The following LRIG2 variants were observed in gnomAD, a reference collection of about 807,000 sequenced individuals.
The protein encoded by LRIG2 is leucine rich repeats and immunoglobulin like domains 2.
Under a neutral mutation model 107.8 loss-of-function variants are expected in LRIG2, and 93 were observed. The observed-to-expected ratio is 0.86, with a 90% CI of 0.73 to 1.03. LRIG2 has a LOEUF of 1.03. Among genes scored for constraint, LRIG2 ranks in the 50% least tolerant of loss-of-function variants. The probability of loss-of-function intolerance (pLI) is 0.00; values close to 1 mark genes in which losing one functional copy is unlikely to be tolerated. For synonymous variants in LRIG2, 471 were observed against 470.6 expected, an observed-to-expected ratio of 1.00 and a Z score of -0.01; for missense variants, 1,226 against 1,296.0, an observed-to-expected ratio of 0.95 and a Z score of 0.83.
At chr1:113,099,410 T>G (rs61158663) in intron 9 of LRIG2, among the ~76,000 whole-genome samples, 1 of 147,164 alleles carries the variant, frequency 6.8e-6, no homozygotes, top group Admixed American at 6.8e-5. Context: ...CTAATTAAAA[T>G]TTTTTTTTTT....
chr1:113,091,884 G>A (rs1021473252), intron 2 of LRIG2, among the ~76,000 whole-genome samples: 4 of 152,102 alleles, frequency 2.6e-5, no homozygotes, highest in Admixed American at 2.6e-4. Context: ...TTTGGAGGGA[G>A]TTTTCTAAGA....
chr1:113,119,451 G>T lies in LRIG2; in HGVS notation c.2899G>T (p.Glu967Ter). The change falls in exon 17 of 18, where the codon GAG (glutamate) becomes TAG (stop). Residue 967 changes from glutamate (E) to a stop codon, truncating the protein, a stop_gained. Coordinates refer to ENST00000361127, the MANE Select transcript of LRIG2 (RefSeq NM_014813.3). LOFTEE classifies it high-confidence loss of function. ...GAGCCTGATACCGTCAGCCAACAGAGAGCCATCTGCCTTTCCCACCAACCA... is the reference window on the plus strand; with the variant it reads ...GAGCCTGATACCGTCAGCCAACAGATAGCCATCTGCCTTTCCCACCAACCA... ...LESLIPSANR[E>*]PSAFPTNHER... 6.2e-7 allele frequency: 1 copy of T among 1,614,134 alleles called. No individual in the cohort carries two copies. The highest frequency in any genetic ancestry group is 8.5e-7 in the Non-Finnish European group (1 of 1,180,018).
chr1:113,118,726 G>A (rs1414423934), intron 16 of LRIG2, among the ~76,000 whole-genome samples: 2 of 151,700 alleles, frequency 1.3e-5, no homozygotes, highest in Non-Finnish European at 2.9e-5. Context: ...GTGCAGTGGC[G>A]TGATCTCGGC....
chr1:113,109,680 G>A (rs1268973490), intron 12 of LRIG2, among the ~76,000 whole-genome samples: 1 of 152,046 alleles, frequency 6.6e-6, no homozygotes, highest in African/African-American at 2.4e-5. Context: ...CACCTCGCCT[G>A]GGTAATTTTT....
intron 16 of LRIG2, among the ~76,000 whole-genome samples, chr1:113,116,901 G>A (rs1050607165): frequency 3.3e-5 from 5 of 152,176 alleles, no homozygotes; most frequent in Non-Finnish European, 7.3e-5. Flanking sequence ...CTTGAGGCCA[G>A]GAGTTCGAGG....
intron 12 of LRIG2, among the ~76,000 whole-genome samples, chr1:113,108,885 AT>A (rs898230489): frequency 1.6e-3 from 234 of 150,588 alleles, no homozygotes; most frequent in African/African-American, 5.2e-3. Context: ...CAAAAAAACA[AT>A]TTTTTTTTTC....
chr1:113,094,824 C>T, intron 6 of LRIG2, 69 bp downstream of exon 6: 6 of 1,472,586 alleles, frequency 4.1e-6, no homozygotes, highest in Non-Finnish European at 5.6e-6. Flanking sequence ...TGTCGAATGG[C>T]TAGGGTAGTT....
Position 113,123,940 on chromosome 1 carries a change from C to G in LRIG2, c.3037C>G (p.Gln1013Glu), listed in dbSNP as rs1655376968. 1.2e-6 allele frequency: 2 copies of G among 1,614,138 alleles called. No individual in the cohort carries two copies. Among genetic ancestry groups the G allele is most frequent in the African/African-American group, 1.3e-5 (1 of 75,028 alleles). Reference sequence around the variant, plus strand: ...AGGCCTGCCTCATCCTCCTTTTTCCCAGCAGCCAGTCCATGAGTCACCACA... The same window carrying G: ...AGGCCTGCCTCATCCTCCTTTTTCCGAGCAGCCAGTCCATGAGTCACCACA... ...ELGLPHPPFS[Q>E]QPVHESPQLH... is the part of the protein sequence containing the mutation. The change falls in exon 18 of 18, where the codon CAG (glutamine) becomes GAG (glutamate). Residue 1013 changes from glutamine to glutamate, a missense_variant. Coordinates refer to ENST00000361127, the MANE Select transcript of LRIG2 (RefSeq NM_014813.3).
chr1:113,073,954 A>G (rs1306628307), intron 1 of LRIG2, among the ~76,000 whole-genome samples: 1 of 122,080 alleles, frequency 8.2e-6, no homozygotes. Context: ...GGTCCTGGGC[A>G]CCAGCATTGA....
In LRIG2 at chr1:113,095,988, A is replaced by G. The variant is rs1215596445; in HGVS notation, c.918A>G (p.Ala306=). 6 of 1,614,106 alleles carry G rather than the reference A, an allele frequency of 3.7e-6. No homozygotes were observed. Among genetic ancestry groups the G allele is most frequent in the Non-Finnish European group, 5.1e-6 (6 of 1,180,040 alleles). ...CTATTGAAAGAATCAGCCCTGATGC[A>G]TGGGAGTTCTGCCAAAGACTATCCG... is the stretch of plus-strand genomic sequence containing the variant. The part of the protein sequence containing the change: ...QNAIERISPD[A]WEFCQRLSEL... Residue 306 remains alanine, a synonymous_variant, in exon 7 of 18, where the codon GCA becomes GCG. Coordinates refer to ENST00000361127, the MANE Select transcript of LRIG2 (RefSeq NM_014813.3).
chr1:113,110,046 G>A (rs1429960358), intron 12 of LRIG2, among the ~76,000 whole-genome samples, 196 bp from the exon 13 acceptor site: 2 of 152,148 alleles, frequency 1.3e-5, no homozygotes, highest in Non-Finnish European at 2.9e-5. Flanking sequence ...ATGTCTTTGA[G>A]CAAGTCATTT....
rs960285215 is a variant in LRIG2 at position 113,125,894 on chromosome 1, G to A, written c.*1793G>A. 3 of 152,214 alleles carry A rather than the reference G, an allele frequency of 2.0e-5. No homozygotes were observed. The highest frequency in any genetic ancestry group is 7.2e-5 in the African/African-American group (3 of 41,452). The allele number at this position is 152,214 out of a possible 1,614,324, so 9.4% of individuals were successfully genotyped here. A position where few individuals can be genotyped will look rare whatever the true frequency, so the allele number is the denominator to read the frequency against. On this transcript the variant is annotated 3_prime_UTR_variant, in exon 18 of 18. Coordinates refer to ENST00000361127, the MANE Select transcript of LRIG2 (RefSeq NM_014813.3). The stretch of plus-strand genomic sequence containing the variant: ...ATAGGTGCTCACACCTGCTTGCTCA[G>A]AATGTGAAAATATTATTTCTGAGTT...
At position 113,100,418 on chromosome 1, in the gene LRIG2, A is replaced by T. The variant is rs1252801631; in HGVS notation, c.1245-2A>T. The T allele has an allele frequency of 6.6e-7, 1 of 1,521,982 alleles. No individual in the cohort carries two copies. The highest frequency in any genetic ancestry group is 1.4e-5 in the African/African-American group (1 of 73,174). 94.3% of individuals were successfully genotyped at this position (1,521,982 alleles called of 1,614,324 possible). A position where few individuals can be genotyped will look rare whatever the true frequency, so the allele number is the denominator to read the frequency against. On this transcript the variant is annotated splice_acceptor_variant, in intron 10 of 17. Transcript: ENST00000361127. LOFTEE classifies it high-confidence loss of function. ...ATAATGTTTCATTTCTCTTTATTTC[A>T]GAGATTTGAACAATAATGCTATAAT...
intron 1 of LRIG2, among the ~76,000 whole-genome samples, chr1:113,082,478 C>T (rs915920971): frequency 6.6e-6 from 1 of 152,154 alleles, no homozygotes; most frequent in Admixed American, 6.6e-5. Flanking sequence ...GTAGGCTGTA[C>T]AGGAAGTATG....
intron 6 of LRIG2, 43 bp from the exon 7 acceptor site, chr1:113,095,831 C>T: frequency 6.2e-7 from 1 of 1,611,252 alleles, no homozygotes; most frequent in South Asian, 1.1e-5. Flanking sequence ...ATTGAACTGC[C>T]TTGTTTTGGA....
chr1:113,112,753 AGT>A lies in LRIG2; in HGVS notation c.2076_2077del (p.Leu693ArgfsTer7). On this transcript the variant is annotated frameshift_variant, in exon 14 of 18. Coordinates refer to ENST00000361127, the MANE Select transcript of LRIG2 (RefSeq NM_014813.3). LOFTEE classifies it high-confidence loss of function. ...GGLSANASLT[V>X]LETPSFIRPL... Reference sequence around the variant, plus strand: ...GTCTCTCAGCAAATGCTTCCCTAACAGTGTTAGGTACGTTTACTGCTCCATGG... The same window carrying A: ...GTCTCTCAGCAAATGCTTCCCTAACAGTTAGGTACGTTTACTGCTCCATGG... The A allele has an allele frequency of 6.3e-7, 1 of 1,599,280 alleles. No homozygotes were observed. The highest frequency in any genetic ancestry group is 8.6e-7 in the Non-Finnish European group (1 of 1,167,700).
intron 8 of LRIG2, among the ~76,000 whole-genome samples, chr1:113,096,989 T>G (rs1340279549): frequency 6.6e-6 from 1 of 152,152 alleles, no homozygotes; most frequent in Non-Finnish European, 1.5e-5. Context: ...CATGTCCATT[T>G]TATCATACCA....
chr1:113,084,381 G>A (rs1006878954), intron 1 of LRIG2, among the ~76,000 whole-genome samples: 2 of 151,738 alleles, frequency 1.3e-5, no homozygotes, highest in South Asian at 4.2e-4. Context: ...ATGCCCGGCT[G>A]ATTTTTTATA....
chr1:113,120,477 T>G (rs1053857175), intron 17 of LRIG2, among the ~76,000 whole-genome samples: 1 of 151,038 alleles, frequency 6.6e-6, no homozygotes, highest in Non-Finnish European at 1.5e-5. Flanking sequence ...AATTTGGGCA[T>G]AATTTGGTGA....
Sources: gnomAD v4.1 joint callset for allele counts (sites outside exome capture counted in the v4.1 genomes callset) on GRCh38, gnomAD v4.1.1 for gene constraint, MANE v1.5 for transcripts, NCBI Gene and HGNC (gene_info 2026-07-23, HGNC 2026-07-21) for gene names.